The following GRIA4 variants were observed in gnomAD, a reference collection of about 807,000 sequenced individuals.
The protein encoded by GRIA4 is glutamate ionotropic receptor AMPA type subunit 4, also known as glutamate receptor 4.
A neutral mutation model predicts 104.0 loss-of-function variants in GRIA4; 34 were observed. That is an observed-to-expected ratio of 0.33 (90% CI 0.25 to 0.44). The LOEUF (loss-of-function observed/expected upper bound fraction) is 0.44, where lower values mean the gene tolerates loss of function less well. Ranked by LOEUF, GRIA4 falls within the 20% of genes least tolerant of loss-of-function variation. The pLI, the probability that GRIA4 is intolerant of heterozygous loss-of-function variation, is 1.00. For synonymous variants in GRIA4, 386 were observed against 381.9 expected, an observed-to-expected ratio of 1.01 and a Z score of -0.13; for missense variants, 750 against 1,096.5, an observed-to-expected ratio of 0.68 and a Z score of 4.46.
At chr11:105,692,634 T>G (rs2135498556) in intron 3 of GRIA4, among the ~76,000 whole-genome samples, 1 of 152,318 alleles carries the variant, frequency 6.6e-6, no homozygotes. Context: ...AACTTTTTGG[T>G]AACTCATTAT....
rs146271038 is a variant in GRIA4, at chr11:105,807,046, C to T, written c.487+53826C>T. Among the ~76,000 whole-genome samples the T allele has an allele frequency of 3.7e-3, 566 of 151,608 alleles. 4 individuals carry two copies. The highest frequency in any genetic ancestry group is 0.012 in the African/African-American group (510 of 41,454). On this transcript the variant is annotated intron_variant, in intron 4 of 16. Coordinates refer to ENST00000282499, the MANE Select transcript of GRIA4 (RefSeq NM_000829.4). ...AATTCCTAAAAGAGAAGACAGAAAA[C>T]TAAAAATTTCATAGACTCTAAGGAT...
chr11:105,921,090 T>C (rs1947545023), intron 11 of GRIA4, among the ~76,000 whole-genome samples: 1 of 152,198 alleles, frequency 6.6e-6, no homozygotes, highest in African/African-American at 2.4e-5. Context: ...TTTTTTACTT[T>C]ACTCCTTGCA....
At chr11:105,946,504 C>T (rs996532725) in intron 14 of GRIA4, among the ~76,000 whole-genome samples, 1 of 151,772 alleles carries the variant, frequency 6.6e-6, no homozygotes, top group Non-Finnish European at 1.5e-5. Context: ...GAGGATTGCT[C>T]GAGCCTGGGA....
chr11:105,848,856 T>C (rs1442212762), intron 4 of GRIA4, among the ~76,000 whole-genome samples: 1 of 152,048 alleles, frequency 6.6e-6, no homozygotes, highest in African/African-American at 2.4e-5. Context: ...TGGAGAATGC[T>C]GAATGGCAGA....
chr11:105,640,023 A>G (rs1951315606), intron 3 of GRIA4, among the ~76,000 whole-genome samples: 1 of 151,972 alleles, frequency 6.6e-6, no homozygotes, highest in African/African-American at 2.4e-5. Context: ...GTAATAAATG[A>G]TTAATGGGAA....
At chr11:105,784,630 T>C (rs1941876440) in intron 4 of GRIA4, among the ~76,000 whole-genome samples, 1 of 152,216 alleles carries the variant, frequency 6.6e-6, no homozygotes, top group African/African-American at 2.4e-5. Context: ...TGGGCTCTTT[T>C]GTACAAGCCA....
At chr11:105,842,665 T>C (rs924754067) in intron 4 of GRIA4, 1 of 152,298 alleles carries the variant, frequency 6.6e-6, no homozygotes, top group Non-Finnish European at 1.5e-5. Context: ...ATCATGAGTC[T>C]CAGCCCACAC....
At chr11:105,851,245 C>G (rs1292793120) in intron 4 of GRIA4, among the ~76,000 whole-genome samples, 1 of 152,040 alleles carries the variant, frequency 6.6e-6, no homozygotes, top group Admixed American at 6.6e-5. Context: ...CAACCTAATT[C>G]CCTCTTGTTG....
intron 4 of GRIA4, among the ~76,000 whole-genome samples, chr11:105,799,734 G>T (rs1374158285): frequency 6.6e-6 from 1 of 152,050 alleles, no homozygotes; most frequent in African/African-American, 2.4e-5. Context: ...ATGATTCAAG[G>T]TCATCTGCTG....
At chr11:105,826,328 A>G (rs1443967670) in intron 4 of GRIA4, among the ~76,000 whole-genome samples, 2 of 151,988 alleles carry the variant, frequency 1.3e-5, no homozygotes, top group African/African-American at 4.8e-5. Context: ...CTCATTCCCC[A>G]TGGGACACCT....
intron 4 of GRIA4, among the ~76,000 whole-genome samples, chr11:105,834,244 C>G (rs1291308385): frequency 6.6e-6 from 1 of 152,006 alleles, no homozygotes; most frequent in Non-Finnish European, 1.5e-5. Flanking sequence ...ATATCTCAAT[C>G]CTTTCATCTC....
chr11:105,663,320 T>G (rs1212794864), intron 3 of GRIA4, among the ~76,000 whole-genome samples: 1 of 151,906 alleles, frequency 6.6e-6, no homozygotes, highest in African/African-American at 2.4e-5. Flanking sequence ...CTCATTTTAG[T>G]TATCAATAAC....
intron 9 of GRIA4, among the ~76,000 whole-genome samples, chr11:105,910,158 T>C (rs1215839790): frequency 6.6e-6 from 1 of 152,176 alleles, no homozygotes; most frequent in East Asian, 1.9e-4. Flanking sequence ...CGTGCTCATA[T>C]TCCTTTTGGA....
intron 14 of GRIA4, among the ~76,000 whole-genome samples, chr11:105,962,378 A>G (rs1948765239): frequency 6.6e-6 from 1 of 152,190 alleles, no homozygotes; most frequent in African/African-American, 2.4e-5. Flanking sequence ...ATAAATGGAA[A>G]AAATTTACAT....
chr11:105,884,753 G>A (rs903445367), intron 5 of GRIA4, among the ~76,000 whole-genome samples: 26 of 152,240 alleles, frequency 1.7e-4, no homozygotes, highest in South Asian at 1.2e-3. Context: ...TTGAAAATGC[G>A]TTGTATAAGC....
At chr11:105,661,292 T>C (rs1952001755) in intron 3 of GRIA4, among the ~76,000 whole-genome samples, 1 of 151,592 alleles carries the variant, frequency 6.6e-6, no homozygotes, top group African/African-American at 2.4e-5. Context: ...GAAAGAGAAG[T>C]ATAGGAGTAT....
chr11:105,746,961 A>G (rs568343562), intron 3 of GRIA4, among the ~76,000 whole-genome samples: 2 of 151,758 alleles, frequency 1.3e-5, no homozygotes, highest in South Asian at 2.1e-4. Flanking sequence ...TAGATGTAGG[A>G]AAAAAAAATC....
At chr11:105,794,429 C>T (rs375614921) in intron 4 of GRIA4, among the ~76,000 whole-genome samples, 6 of 39,070 alleles carry the variant, frequency 1.5e-4, no homozygotes, top group South Asian at 6.6e-4. Context: ...ATGTGTGTGC[C>T]GGGGTGTGTG....
rs1455977405 is a variant in GRIA4 at position 105,925,964 on chromosome 11, A to T, written c.1848-777A>T. ...ATTTTTTTACTCACCCCCTTCTCAC[A>T]TTTGCTCTGCACTCACACTCACCCA... On this transcript the variant is annotated intron_variant, in intron 12 of 16. Transcript: ENST00000282499. Among the ~76,000 whole-genome samples, 3 of 152,126 alleles carry T rather than the reference A, an allele frequency of 2.0e-5. No homozygotes were observed. In the East Asian group the frequency reaches 5.8e-4, roughly 29 times the overall value.
Sources: gnomAD v4.1 joint callset for allele counts (sites outside exome capture counted in the v4.1 genomes callset) on GRCh38, gnomAD v4.1.1 for gene constraint, MANE v1.5 for transcripts, NCBI Gene and HGNC (gene_info 2026-07-23, HGNC 2026-07-21) for gene names.